The following PRKDC variants were observed in gnomAD, a reference collection of about 807,000 sequenced individuals.
PRKDC encodes protein kinase, DNA-activated, catalytic subunit.
In PRKDC, 82 loss-of-function variants were observed where a neutral mutation model predicts 486.9. That is an observed-to-expected ratio of 0.17 (90% CI 0.14 to 0.20). The LOEUF (loss-of-function observed/expected upper bound fraction) is 0.20, where lower values mean the gene tolerates loss of function less well. Ranked by LOEUF, PRKDC falls within the 10% of genes least tolerant of loss-of-function variation. The pLI is 1.00. For missense variants in PRKDC, 4,504 were observed against 5,038.2 expected (o/e 0.89, Z 3.21); for synonymous variants, 1,895 against 1,837.0 (o/e 1.03, Z -0.81).
chr8:47,831,798 T>A lies in PRKDC; in HGVS notation c.8265+16A>T, dbSNP rs1478917055. The A allele has an allele frequency of 6.2e-7, 1 of 1,611,460 alleles. No homozygotes were observed. Among genetic ancestry groups the A allele is most frequent in the Non-Finnish European group, 8.5e-7 (1 of 1,177,700 alleles). ...AAACTGCATCGTTCTGATCAAATTC[T>A]TGACAAGATACAAACCTTCTCTCGT... is the stretch of plus-strand genomic sequence containing the variant. On this transcript the variant is annotated intron_variant, in intron 60 of 85. Coordinates refer to ENST00000314191, the MANE Select transcript of PRKDC (RefSeq NM_006904.7).
intron 25 of PRKDC, among the ~76,000 whole-genome samples, chr8:47,906,949 T>A (rs2089794363): frequency 6.6e-6 from 1 of 151,526 alleles, no homozygotes; most frequent in Non-Finnish European, 1.5e-5. Flanking sequence ...AAGCAATTTT[T>A]AAAATTAATC....
At chr8:47,868,289 G>A (rs909961192) in intron 40 of PRKDC, among the ~76,000 whole-genome samples, 2 of 151,824 alleles carry the variant, frequency 1.3e-5, no homozygotes, top group African/African-American at 4.8e-5. Flanking sequence ...CGGGTATGGC[G>A]GCTCACACTT....
intron 68 of PRKDC, among the ~76,000 whole-genome samples, chr8:47,811,061 G>T (rs2087316684): frequency 6.6e-6 from 1 of 152,124 alleles, no homozygotes; most frequent in African/African-American, 2.4e-5. Context: ...TGACAAAAAG[G>T]TACAGATTCA....
intron 74 of PRKDC, among the ~76,000 whole-genome samples, chr8:47,791,705 G>A (rs955554205): frequency 6.6e-6 from 1 of 152,176 alleles, no homozygotes; most frequent in East Asian, 1.9e-4. Context: ...CAGCAATAAC[G>A]AATGCTGGTA....
chr8:47,874,705 G>GC (rs1436581850), intron 40 of PRKDC, among the ~76,000 whole-genome samples: 1 of 152,282 alleles, frequency 6.6e-6, no homozygotes, highest in East Asian at 1.9e-4. Flanking sequence ...ACTGCTGTGA[G>GC]CCACTGCACT....
At position 47,837,341 on chromosome 8, in the gene PRKDC, G is replaced by A; in HGVS notation, c.7632C>T (p.Ser2544=). The A allele has an allele frequency of 6.2e-7, 1 of 1,613,110 alleles. No homozygotes were observed. The highest frequency in any genetic ancestry group is 8.5e-7 in the Non-Finnish European group (1 of 1,179,140). Residue 2544 remains serine (S), a synonymous_variant, in exon 57 of 86, where the codon TCC becomes TCT. Transcript: ENST00000314191. ...GCACTTCTATCTTAGGAGAATATAA[G>A]GAATTTAGTGCCAGCAACCGGTCCA... ...NTLDRLLALN[S]LYSPKIEVHF...
intron 7 of PRKDC, among the ~76,000 whole-genome samples, chr8:47,952,761 T>C (rs1026787366): frequency 6.6e-6 from 1 of 152,062 alleles, no homozygotes; most frequent in African/African-American, 2.4e-5. Flanking sequence ...CCCAGAACTT[T>C]AGGAAGTTGA....
chr8:47,915,337 G>T lies in PRKDC; in HGVS notation c.2608C>A (p.Leu870Ile), dbSNP rs368278587. Residue 870 changes from leucine (L) to isoleucine (I), a missense_variant, in exon 23 of 86, where the codon CTT (leucine) becomes ATT (isoleucine). Around this residue, in one of 6 missense-constraint regions of PRKDC, gnomAD observed 1,969 missense variants for 2,068.9 expected, o/e 0.95. Transcript: ENST00000314191. ...GSLGGQINKN[L>I]LTVTSSDEMM... is the part of the protein sequence containing the mutation. ...TTTAAAAGAAGTTTACCTGTCAGAA[G>T]ATTTTTGTTTATTTGTCCTCCTAGA... 1 of 1,532,746 alleles carries T rather than the reference G, an allele frequency of 6.5e-7. No homozygotes were observed. Among genetic ancestry groups the T allele is most frequent in the Non-Finnish European group, 8.9e-7 (1 of 1,127,640 alleles). 94.9% of individuals were successfully genotyped at this position (1,532,746 alleles called of 1,614,324 possible).
chr8:47,943,597 T>G (rs1473971563), intron 9 of PRKDC, among the ~76,000 whole-genome samples: 1 of 152,232 alleles, frequency 6.6e-6, no homozygotes, highest in African/African-American at 2.4e-5. Context: ...CAGGATTCAT[T>G]GAGGCAAAGT....
intron 48 of PRKDC, 51 bp from the exon 49 acceptor site, chr8:47,857,350 A>C (rs1198906065): frequency 6.5e-7 from 1 of 1,547,494 alleles, no homozygotes; most frequent in African/African-American, 1.4e-5. Context: ...TAAATTGCCA[A>C]AATATTAATA....
At position 47,800,893 on chromosome 8, in the gene PRKDC, T is replaced by C; in HGVS notation, c.10016A>G (p.Asn3339Ser). The part of the protein sequence containing the change: ...LLGTTYRIIA[N>S]ALSSEPACLA... ...GCAGGCTGGCTCACTGCTGAGAGCA[T>C]TCGCTATGATCCTGTAAGTTGTACC... The change falls in exon 71 of 86, where the codon AAT becomes AGT. Residue 3339 changes from asparagine (N) to serine (S), a missense_variant. Around this residue, in one of 6 missense-constraint regions of PRKDC, gnomAD observed 1,592 missense variants for 1,724.6 expected, o/e 0.92. Transcript: ENST00000314191. 3.7e-6 allele frequency: 6 copies of C among 1,613,914 alleles called. No individual in the cohort carries two copies. Among genetic ancestry groups the C allele is most frequent in the South Asian group, 2.2e-5 (2 of 91,032 alleles).
intron 10 of PRKDC, among the ~76,000 whole-genome samples, chr8:47,942,096 C>T (rs922851982): frequency 7.9e-5 from 12 of 152,342 alleles, no homozygotes; most frequent in Admixed American, 6.5e-4. Flanking sequence ...GCACACATTC[C>T]GGACACTCCT....
Position 47,863,525 on chromosome 8 carries a change from T to C in PRKDC, c.5624A>G (p.Lys1875Arg). The C allele has an allele frequency of 6.2e-6, 10 of 1,612,976 alleles. No individual in the cohort carries two copies. The highest frequency in any genetic ancestry group is 8.5e-6 in the Non-Finnish European group (10 of 1,179,350). Residue 1875 changes from lysine (K) to arginine (R), a missense_variant, in exon 42 of 86, where the codon AAG becomes AGG. By Grantham distance (26) the Lys-to-Arg change is conservative. Around this residue, in one of 6 missense-constraint regions of PRKDC, gnomAD observed 80 missense variants for 132.3 expected, o/e 0.60. Coordinates refer to ENST00000314191, the MANE Select transcript of PRKDC (RefSeq NM_006904.7). ...TQITKKMGYY[K>R]ILDVMYSRLP... ...GCGAGAATACATCACGTCTAGAATCTTATAGTAGCCCATCTTCTTGGTGAT... is the reference window on the plus strand; with the variant it reads ...GCGAGAATACATCACGTCTAGAATCCTATAGTAGCCCATCTTCTTGGTGAT...
At position 47,779,060 on chromosome 8, in the gene PRKDC, A is replaced by G. The variant is rs781285391; in HGVS notation, c.11523T>C (p.Asp3841=). Residue 3841 remains aspartate, a synonymous_variant, in exon 81 of 86, where the codon GAT becomes GAC. Transcript: ENST00000314191. ...DPRAPPCEYK[D]WLTKMSGKHD... is the part of the protein sequence containing the mutation. ...GTTTTCCTGACATTTTTGTCAGCCA[A>G]TCTTTATATTCACACGGCGGTGCCC... is the stretch of plus-strand genomic sequence containing the variant. 1.2e-6 allele frequency: 2 copies of G among 1,601,846 alleles called. No individual in the cohort carries two copies. The highest frequency in any genetic ancestry group is 1.7e-6 in the Non-Finnish European group (2 of 1,173,644).
At chr8:47,792,674 T>C (rs1022094377) in intron 74 of PRKDC, among the ~76,000 whole-genome samples, 6 of 152,292 alleles carry the variant, frequency 3.9e-5, no homozygotes, top group African/African-American at 1.4e-4. Flanking sequence ...CTTACCCTGA[T>C]GTGATTGTTA....
At position 47,885,968 on chromosome 8, in the gene PRKDC, C is replaced by T. The variant is rs1407868792; in HGVS notation, c.4752G>A (p.Gln1584=). The change falls in exon 36 of 86, where the codon CAG becomes CAA. Residue 1584 remains glutamine (Q), a synonymous_variant. Coordinates refer to ENST00000314191, the MANE Select transcript of PRKDC (RefSeq NM_006904.7). The part of the protein sequence containing the change: ...NLDLAVLELM[Q]SSVDNTKMVS... ...CCATTTTGGTATTATCCACTGAAGACTGCATGAGCTCCAATACAGCAAGAT... is the reference window on the plus strand; with the variant it reads ...CCATTTTGGTATTATCCACTGAAGATTGCATGAGCTCCAATACAGCAAGAT... The T allele has an allele frequency of 6.2e-7, 1 of 1,613,772 alleles. No individual in the cohort carries two copies. Among genetic ancestry groups the T allele is most frequent in the Admixed American group, 1.7e-5 (1 of 60,020 alleles).
intron 40 of PRKDC, among the ~76,000 whole-genome samples, chr8:47,873,493 G>A (rs911302707): frequency 6.6e-6 from 1 of 151,954 alleles, no homozygotes; most frequent in Non-Finnish European, 1.5e-5. Flanking sequence ...GCAGTGAGCC[G>A]AGATCATGCC....
At chr8:47,822,725 G>A (rs986167182) in intron 64 of PRKDC, among the ~76,000 whole-genome samples, 7 of 152,174 alleles carry the variant, frequency 4.6e-5, no homozygotes, top group Non-Finnish European at 8.8e-5. Flanking sequence ...GGAAGGCAGA[G>A]CTTGCAGTGA....
At chr8:47,854,025 A>G in intron 51 of PRKDC, 58 bp downstream of exon 51, 5 of 1,592,248 alleles carry the variant, frequency 3.1e-6, no homozygotes, top group Non-Finnish European at 4.3e-6. Flanking sequence ...ACCATACTGA[A>G]GTCTGTCAAT....
Sources: gnomAD v4.1 joint callset for allele counts (sites outside exome capture counted in the v4.1 genomes callset) on GRCh38, gnomAD v4.1.1 for gene constraint, gnomAD v4.1.1 regional missense constraint, MANE v1.5 for transcripts, NCBI Gene and HGNC (gene_info 2026-07-23, HGNC 2026-07-21) for gene names.